Variants in CHST8 observed in about 807,000 individuals in gnomAD.
The protein encoded by CHST8 is carbohydrate sulfotransferase 8, also known as GALNAC-4-ST1.
In CHST8, 10 loss-of-function variants were observed where a neutral mutation model predicts 15.0. That is an observed-to-expected ratio of 0.67 (90% CI 0.41 to 1.13). The LOEUF (loss-of-function observed/expected upper bound fraction) is 1.13, where lower values mean the gene tolerates loss of function less well. Ranked by LOEUF, CHST8 falls within the 50% of genes most tolerant of loss-of-function variation. CHST8 has a pLI of 0.00. For synonymous variants in CHST8, 259 were observed against 256.6 expected (o/e 1.01, Z -0.09); for missense variants, 634 against 608.2 (o/e 1.04, Z -0.45).
At chr19:33,754,777 A>G (rs577798058) in intron 3 of CHST8, among the ~76,000 whole-genome samples, 27 of 152,350 alleles carry the variant, frequency 1.8e-4, no homozygotes, top group Admixed American at 1.2e-3. Context: ...CAAGGCTACC[A>G]GTTTCCTCCT....
chr19:33,698,313 A>G lies in CHST8; in HGVS notation c.130+8922A>G, dbSNP rs284331. Among the ~76,000 whole-genome samples, 329 of 151,724 alleles carry G rather than the reference A, an allele frequency of 2.2e-3. 1 individual carries two copies. The highest frequency in any genetic ancestry group is 7.7e-3 in the African/African-American group (320 of 41,350). On this transcript the variant is annotated intron_variant, in intron 3 of 4. Coordinates refer to ENST00000650847, the MANE Select transcript of CHST8 (RefSeq NM_001127895.2). ...GTGAGCTGAGATCACGGCAACTACA[A>G]TCCTTTATCCAGTGAGCTGAGATCG...
intron 3 of CHST8, among the ~76,000 whole-genome samples, chr19:33,756,534 G>C (rs1476625717): frequency 6.6e-6 from 1 of 152,190 alleles, no homozygotes; most frequent in East Asian, 1.9e-4. Flanking sequence ...AGACCTCCCT[G>C]TCTGGGGGTC....
intron 1 of CHST8, among the ~76,000 whole-genome samples, chr19:33,643,563 A>G (rs748484453): frequency 6.6e-6 from 1 of 152,160 alleles, no homozygotes; most frequent in Admixed American, 6.5e-5. Flanking sequence ...TACCAGCATC[A>G]TTTATGGAAC....
intron 1 of CHST8, among the ~76,000 whole-genome samples, chr19:33,664,923 A>C (rs1227850568): frequency 6.6e-6 from 1 of 152,194 alleles, no homozygotes; most frequent in African/African-American, 2.4e-5. Context: ...TGCAAATAAC[A>C]AGATTTCATT....
At chr19:33,725,755 A>G (rs1267713958) in intron 3 of CHST8, among the ~76,000 whole-genome samples, 5 of 152,230 alleles carry the variant, frequency 3.3e-5, no homozygotes, top group African/African-American at 7.2e-5. Flanking sequence ...TGGAGGCTTC[A>G]GCCTCGGCCA....
At position 33,688,139 on chromosome 19, in the gene CHST8, G is replaced by A. The variant is rs151246398; in HGVS notation, c.-86-1037G>A. Among the ~76,000 whole-genome samples, 1,481 of 152,298 alleles carry A rather than the reference G, an allele frequency of 9.7e-3. 8 individuals carry two copies. The highest frequency in any genetic ancestry group is 0.02 in the African/African-American group (842 of 41,560). The stretch of plus-strand genomic sequence containing the variant: ...TTGGGGGGTCCCTAGAGTGCCTGCC[G>A]CCTGTGGCTCTCTCCCCCTGTACTC... On this transcript the variant is annotated intron_variant, in intron 2 of 4. Transcript: ENST00000650847.
At chr19:33,746,880 G>C (rs1411686625) in intron 3 of CHST8, among the ~76,000 whole-genome samples, 2 of 149,216 alleles carry the variant, frequency 1.3e-5, no homozygotes, top group Admixed American at 1.3e-4. Context: ...CATTTTCTTT[G>C]GATGCTACTT....
intron 3 of CHST8, among the ~76,000 whole-genome samples, chr19:33,759,602 C>G (rs1306969601): frequency 2.0e-5 from 3 of 152,336 alleles, no homozygotes; most frequent in South Asian, 2.1e-4. Context: ...GTCTGCCCCC[C>G]GCACCTCTGA....
intron 2 of CHST8, among the ~76,000 whole-genome samples, chr19:33,671,587 G>C (rs1296122257): frequency 1.3e-5 from 2 of 152,084 alleles, no homozygotes; most frequent in African/African-American, 4.8e-5. Flanking sequence ...GGTGTCAAGA[G>C]TGCTGTCACC....
chr19:33,668,449 A>AG (rs1376534941), intron 2 of CHST8, among the ~76,000 whole-genome samples: 1 of 152,000 alleles, frequency 6.6e-6, no homozygotes, highest in African/African-American at 2.4e-5. Context: ...GGGCTTTGTG[A>AG]GGGGGGAAAG....
chr19:33,635,900 C>CATTTT (rs1555710126), intron 1 of CHST8, among the ~76,000 whole-genome samples: 1 of 152,016 alleles, frequency 6.6e-6, no homozygotes, highest in Non-Finnish European at 1.5e-5. Flanking sequence ...AGCCAACTAC[C>CATTTT]GTTTGCTTTA....
intron 3 of CHST8, among the ~76,000 whole-genome samples, chr19:33,769,857 C>T (rs1323746624): frequency 2.6e-5 from 4 of 152,124 alleles, no homozygotes; most frequent in Non-Finnish European, 5.9e-5. Flanking sequence ...TGGGGACACT[C>T]TGCCCTTTGC....
At chr19:33,682,184 GTTGTTTTTTTTT>G (rs1245432223) in intron 2 of CHST8, among the ~76,000 whole-genome samples, 2 of 121,886 alleles carry the variant, frequency 1.6e-5, no homozygotes, top group East Asian at 4.5e-4. Context: ...GGTTTTTGTT[GTTGTTTTTTTTT>G]TTTTTTTTTT....
intron 3 of CHST8, among the ~76,000 whole-genome samples, chr19:33,724,713 C>T (rs1014882813): frequency 6.6e-6 from 1 of 152,198 alleles, no homozygotes; most frequent in Non-Finnish European, 1.5e-5. Flanking sequence ...TCCCTTTTCT[C>T]CCCATCCTAG....
chr19:33,717,730 G>A (rs79982747), intron 3 of CHST8, among the ~76,000 whole-genome samples: 3,980 of 152,220 alleles, frequency 0.026, 160 homozygotes, highest in African/African-American at 0.091. Flanking sequence ...AGGAGAAACC[G>A]AGGTCATATC....
intron 1 of CHST8, among the ~76,000 whole-genome samples, chr19:33,627,267 A>ATTT (rs542383728): frequency 1.4e-5 from 2 of 143,188 alleles, no homozygotes; most frequent in African/African-American, 5.2e-5. Context: ...TGCCCAGCTA[A>ATTT]TTTTTTTTTT....
intron 3 of CHST8, among the ~76,000 whole-genome samples, chr19:33,700,905 G>T (rs1384622016): frequency 6.6e-6 from 1 of 152,220 alleles, no homozygotes. Flanking sequence ...AGTACTGATG[G>T]AGGGATGGAC....
intron 1 of CHST8, among the ~76,000 whole-genome samples, chr19:33,656,872 T>G (rs958660142): frequency 6.6e-6 from 1 of 152,190 alleles, no homozygotes; most frequent in African/African-American, 2.4e-5. Flanking sequence ...AACGTTTATC[T>G]ATTTATAATG....
intron 3 of CHST8, among the ~76,000 whole-genome samples, chr19:33,694,093 CATATATATAT>C (rs3040787): frequency 1.3e-3 from 41 of 31,398 alleles, no homozygotes; most frequent in Middle Eastern, 0.018. Flanking sequence ...GTAGTTTATT[CATATATATAT>C]ATATATATAT....
Sources: allele counts gnomAD v4.1 joint callset (sites outside exome capture counted in the v4.1 genomes callset), GRCh38; gene constraint gnomAD v4.1.1; transcripts MANE v1.5; gene names NCBI Gene and HGNC (gene_info 2026-07-23, HGNC 2026-07-21).